The following MOB3B variants were observed in gnomAD, a reference collection of about 807,000 sequenced individuals.
MOB3B encodes MOB kinase activator 3B, also known as MOB kinase activator-like 2B.
A neutral mutation model predicts 18.7 loss-of-function variants in MOB3B; 7 were observed. That is an observed-to-expected ratio of 0.37 (90% CI 0.21 to 0.70). The LOEUF is 0.70. MOB3B is among the 30% of genes least tolerant of loss of function. The pLI, the probability that MOB3B is intolerant of heterozygous loss-of-function variation, is 0.52. For synonymous variants in MOB3B, 111 were observed against 99.9 expected (o/e 1.11, Z -0.66); for missense variants, 253 against 281.3 (o/e 0.90, Z 0.72).
At chr9:27,488,845 C>T (rs1410589978) in intron 1 of MOB3B, among the ~76,000 whole-genome samples, 2 of 152,192 alleles carry the variant, frequency 1.3e-5, no homozygotes, top group Non-Finnish European at 2.9e-5. Flanking sequence ...ACATAACGTA[C>T]ACATTTCAAG....
intron 1 of MOB3B, among the ~76,000 whole-genome samples, chr9:27,514,345 C>CAAAAAAAAAAAAAAAAAAAAAAAAAAAAA (rs34526085): frequency 1.3e-5 from 1 of 77,638 alleles, no homozygotes; most frequent in Non-Finnish European, 2.5e-5. Flanking sequence ...ACCACAAGCT[C>CAAAAAAAAAAAAAAAAAAAAAAAAAAAAA]AAAAAAAAAA....
At chr9:27,481,083 A>G (rs942403200) in intron 1 of MOB3B, among the ~76,000 whole-genome samples, 1 of 152,208 alleles carries the variant, frequency 6.6e-6, no homozygotes, top group Non-Finnish European at 1.5e-5. Context: ...GACGCATGCT[A>G]TAATTACTAG....
intron 1 of MOB3B, among the ~76,000 whole-genome samples, chr9:27,494,294 G>C (rs949977748): frequency 1.3e-5 from 2 of 152,138 alleles, no homozygotes; most frequent in African/African-American, 4.8e-5. Context: ...CTTGCCTTGT[G>C]ATATTCTATT....
At chr9:27,490,318 G>T (rs554870313) in intron 1 of MOB3B, among the ~76,000 whole-genome samples, 1 of 152,250 alleles carries the variant, frequency 6.6e-6, no homozygotes, top group Non-Finnish European at 1.5e-5. Context: ...GGTGCTCATG[G>T]TTTAGTGAGA....
At chr9:27,370,669 G>T (rs1461818481) in intron 2 of MOB3B, among the ~76,000 whole-genome samples, 2 of 152,194 alleles carry the variant, frequency 1.3e-5, no homozygotes, top group Admixed American at 1.3e-4. Context: ...CCAGCCTCCT[G>T]AACTGTGAGA....
chr9:27,453,478 A>G (rs536075707), intron 2 of MOB3B, among the ~76,000 whole-genome samples: 1 of 152,330 alleles, frequency 6.6e-6, no homozygotes, highest in Non-Finnish European at 1.5e-5. Flanking sequence ...CCTGGGGGAT[A>G]TAGAGGCATC....
intron 1 of MOB3B, among the ~76,000 whole-genome samples, chr9:27,516,421 C>T (rs1224109866): frequency 6.6e-6 from 1 of 152,110 alleles, no homozygotes; most frequent in African/African-American, 2.4e-5. Context: ...TAAAATAGCC[C>T]AAAGAGTTTG....
chr9:27,415,908 G>T (rs989190049), intron 2 of MOB3B, among the ~76,000 whole-genome samples: 1 of 152,106 alleles, frequency 6.6e-6, no homozygotes, highest in Non-Finnish European at 1.5e-5. Context: ...ATGGGGTTTC[G>T]TGCGTGTATT....
At chr9:27,503,301 T>C (rs1376972330) in intron 1 of MOB3B, among the ~76,000 whole-genome samples, 3 of 152,230 alleles carry the variant, frequency 2.0e-5, no homozygotes, top group Non-Finnish European at 4.4e-5. Context: ...GTAGTAACTT[T>C]TCATTTCAAG....
chr9:27,491,871 T>TCAACAA (rs749464865), intron 1 of MOB3B, among the ~76,000 whole-genome samples: 1 of 152,174 alleles, frequency 6.6e-6, no homozygotes, highest in Non-Finnish European at 1.5e-5. Context: ...AGACTCTGTC[T>TCAACAA]CAACAACAAC....
At chr9:27,503,956 C>T (rs188231553) in intron 1 of MOB3B, among the ~76,000 whole-genome samples, 4 of 152,336 alleles carry the variant, frequency 2.6e-5, no homozygotes, top group Admixed American at 6.5e-5. Flanking sequence ...CAGCCATCTT[C>T]TCCCTCTGTT....
chr9:27,529,407 G>C lies in MOB3B; in HGVS notation c.-199+148C>G, dbSNP rs1018374958. On this transcript the variant is annotated intron_variant, in intron 1 of 3. Transcript: ENST00000262244. ...CCAGCCCCGGAAGCCCGTGGCCGGC[G>C]GGCAGAAGACCGGTCCGCCGCCTCC... The C allele has an allele frequency of 2.6e-5, 9 of 342,394 alleles. No homozygotes were observed. In the East Asian group the frequency reaches 1.5e-3, roughly 58 times the overall value. 21.2% of individuals were successfully genotyped at this position (342,394 alleles called of 1,614,324 possible).
chr9:27,388,850 T>C (rs1366559933), intron 2 of MOB3B, among the ~76,000 whole-genome samples: 1 of 152,040 alleles, frequency 6.6e-6, no homozygotes, highest in Non-Finnish European at 1.5e-5. Flanking sequence ...CCCTACCCAT[T>C]CCATAATCCA....
chr9:27,420,548 CATATATATATATAT>C (rs55684272), intron 2 of MOB3B, among the ~76,000 whole-genome samples: 4,354 of 31,080 alleles, frequency 0.14, 251 homozygotes, highest in South Asian at 0.26. Context: ...CTGTATATTC[CATATATATATATAT>C]ATATATATAT....
intron 2 of MOB3B, among the ~76,000 whole-genome samples, chr9:27,409,107 T>C (rs1224097522): frequency 6.6e-6 from 1 of 152,162 alleles, no homozygotes; most frequent in Admixed American, 6.5e-5. Context: ...AAACTGGAAC[T>C]TAAGTTAGGT....
intron 2 of MOB3B, among the ~76,000 whole-genome samples, chr9:27,440,433 G>A (rs952242953): frequency 3.3e-5 from 5 of 150,594 alleles, no homozygotes; most frequent in African/African-American, 9.8e-5. Context: ...GGTCTTGGCT[G>A]ATGTTTGGTA....
At chr9:27,404,740 G>A (rs1230246440) in intron 2 of MOB3B, among the ~76,000 whole-genome samples, 2 of 152,060 alleles carry the variant, frequency 1.3e-5, no homozygotes, top group Non-Finnish European at 2.9e-5. Context: ...ATAAAGATGG[G>A]GGTGCAAATA....
intron 2 of MOB3B, among the ~76,000 whole-genome samples, chr9:27,416,470 C>T (rs977877216): frequency 8.6e-5 from 13 of 151,574 alleles, no homozygotes; most frequent in African/African-American, 2.9e-4. Context: ...GATATTCTAC[C>T]TATAAAACAC....
chr9:27,376,646 C>T (rs1002794129), intron 2 of MOB3B, among the ~76,000 whole-genome samples: 57 of 152,182 alleles, frequency 3.7e-4, no homozygotes, highest in African/African-American at 1.4e-3. Flanking sequence ...ATCTGAAGTT[C>T]CTCAGATGAT....
Sources: gnomAD v4.1 joint callset for allele counts (sites outside exome capture counted in the v4.1 genomes callset) on GRCh38, gnomAD v4.1.1 for gene constraint, MANE v1.5 for transcripts, NCBI Gene and HGNC (gene_info 2026-07-23, HGNC 2026-07-21) for gene names.